The following VPS41 variants were observed in gnomAD, a reference collection of about 807,000 sequenced individuals.
VPS41 encodes the protein vacuolar protein sorting-associated protein 41 homolog.
VPS41 carries 85 observed loss-of-function variants against 130.9 expected under a neutral mutation model. That is an observed-to-expected ratio of 0.65 (90% confidence interval 0.55 to 0.78). The LOEUF (loss-of-function observed/expected upper bound fraction) is 0.78. Among genes scored for constraint, VPS41 ranks in the 30% least tolerant of loss-of-function variants. The pLI is 0.00. For synonymous variants in VPS41, 335 were observed against 332.9 expected, an observed-to-expected ratio of 1.01 and a Z score of -0.07; for missense variants, 874 against 1,018.7, an observed-to-expected ratio of 0.86 and a Z score of 1.93.
At chr7:38,810,064 G>A (rs544848848) in intron 7 of VPS41, among the ~76,000 whole-genome samples, 3 of 150,480 alleles carry the variant, frequency 2.0e-5, no homozygotes, top group Non-Finnish European at 3.0e-5. Flanking sequence ...GTGTTTGAAA[G>A]CTCTCTCCAA....
At chr7:38,779,735 T>G (rs1325246663) in intron 10 of VPS41, among the ~76,000 whole-genome samples, 1 of 152,180 alleles carries the variant, frequency 6.6e-6, no homozygotes, top group Non-Finnish European at 1.5e-5. Context: ...CAGACAGTGG[T>G]GTCAAAATGA....
rs535971558 is a variant in VPS41, at chr7:38,779,391, G to A, written c.785-2615C>T. Among the ~76,000 whole-genome samples, 6 of 152,250 alleles carry A rather than the reference G, an allele frequency of 3.9e-5. No individual in the cohort carries two copies. In the East Asian group the frequency reaches 5.8e-4, roughly 15 times the overall value. On this transcript the variant is annotated intron_variant, in intron 10 of 28. Coordinates refer to ENST00000310301, the MANE Select transcript of VPS41 (RefSeq NM_014396.4). ...AAAATCTCTTATAGAAAACAAAATT[G>A]CAATTATAGTAATACTCAGCATGAT...
chr7:38,800,121 T>C (rs933419502), intron 7 of VPS41, among the ~76,000 whole-genome samples: 1 of 152,162 alleles, frequency 6.6e-6, no homozygotes, highest in Non-Finnish European at 1.5e-5. Context: ...TAGAGCTATT[T>C]ATAACAGCCA....
intron 17 of VPS41, among the ~76,000 whole-genome samples, chr7:38,760,097 C>A (rs937420760): frequency 6.6e-6 from 1 of 152,182 alleles, no homozygotes; most frequent in South Asian, 2.1e-4. Flanking sequence ...TTCCGTCCCA[C>A]AGCTGATTCT....
At chr7:38,857,260 C>G (rs1366725501) in intron 4 of VPS41, among the ~76,000 whole-genome samples, 1 of 152,212 alleles carries the variant, frequency 6.6e-6, no homozygotes, top group Non-Finnish European at 1.5e-5. Context: ...AAAATGGCCA[C>G]TAAGCTCCTG....
chr7:38,796,499 C>G, intron 8 of VPS41: 3 of 605,764 alleles, frequency 5.0e-6, no homozygotes, highest in South Asian at 4.5e-5. Flanking sequence ...ATTTTCTTGG[C>G]TACTCTCCAT....
intron 2 of VPS41, among the ~76,000 whole-genome samples, chr7:38,882,151 C>A (rs896233288): frequency 6.6e-6 from 1 of 152,270 alleles, no homozygotes; most frequent in Middle Eastern, 3.4e-3. Flanking sequence ...CAAGTCACCA[C>A]AAGTGCTCTT....
intron 15 of VPS41, 105 bp from the exon 16 acceptor site, chr7:38,765,766 C>G (rs1784028093): frequency 4.4e-6 from 3 of 680,204 alleles, no homozygotes; most frequent in Admixed American, 3.2e-5. Context: ...TTAGAGAAAT[C>G]TCTCTTCTCA....
At chr7:38,881,128 G>A (rs1584442992) in intron 2 of VPS41, among the ~76,000 whole-genome samples, 4 of 152,318 alleles carry the variant, frequency 2.6e-5, no homozygotes, top group Admixed American at 2.6e-4. Flanking sequence ...TTGTCGTACA[G>A]TGCTGTAGAT....
At position 38,799,167 on chromosome 7, in the gene VPS41, A is replaced by G. The variant is rs370799800; in HGVS notation, c.451-2303T>C. Among the ~76,000 whole-genome samples, 33 of 152,334 alleles carry G rather than the reference A, an allele frequency of 2.2e-4. 2 individuals carry two copies. The South Asian group carries it at 6.0e-3, about 28-fold the overall frequency. Reference sequence around the variant, plus strand: ...TATGGAAAAATCCTGCATTTAAAAGAATACAAATTATCCAGGGAGTAATCC... The same window carrying G: ...TATGGAAAAATCCTGCATTTAAAAGGATACAAATTATCCAGGGAGTAATCC... On this transcript the variant is annotated intron_variant, in intron 7 of 28. Coordinates refer to ENST00000310301, the MANE Select transcript of VPS41 (RefSeq NM_014396.4).
chr7:38,727,111 G>A, intron 27 of VPS41, 123 bp from the exon 28 acceptor site: 3 of 841,120 alleles, frequency 3.6e-6, no homozygotes, highest in Non-Finnish European at 5.0e-6. Flanking sequence ...TTAGAGAATG[G>A]CTTATTTACA....
chr7:38,758,318 A>G, intron 18 of VPS41, 36 bp downstream of exon 18: 1 of 1,574,104 alleles, frequency 6.4e-7, no homozygotes, highest in Admixed American at 1.9e-5. Context: ...TTCAACACAG[A>G]CTGATATGGA....
chr7:38,775,422 C>T (rs1011747041), intron 11 of VPS41: 2 of 152,032 alleles, frequency 1.3e-5, no homozygotes, highest in African/African-American at 2.4e-5. Flanking sequence ...CAAAGGTTTC[C>T]TTTCTTTCTT....
intron 26 of VPS41, 33 bp downstream of exon 26, chr7:38,728,659 G>T (rs776656477): frequency 6.2e-6 from 10 of 1,613,218 alleles, no homozygotes; most frequent in Non-Finnish European, 8.5e-6. Flanking sequence ...AGCAGGGCAC[G>T]TGGTTCCATA....
intron 4 of VPS41, among the ~76,000 whole-genome samples, chr7:38,857,305 T>C (rs1786008548): frequency 6.6e-6 from 1 of 152,196 alleles, no homozygotes; most frequent in South Asian, 2.1e-4. Flanking sequence ...TAATCATCCA[T>C]TTTATAAATA....
chr7:38,890,903 C>T (rs938174683), intron 2 of VPS41, among the ~76,000 whole-genome samples: 18 of 152,198 alleles, frequency 1.2e-4, no homozygotes, highest in African/African-American at 4.3e-4. Flanking sequence ...CCCAGCTGGT[C>T]TCAAACTCCT....
chr7:38,831,101 C>A (rs372491225), intron 4 of VPS41: 1 of 426,254 alleles, frequency 2.3e-6, no homozygotes, highest in African/African-American at 2.1e-5. Context: ...TGAATAAATT[C>A]CTTCCTCAAA....
At chr7:38,804,833 G>C (rs1278963897) in intron 7 of VPS41, among the ~76,000 whole-genome samples, 1 of 152,190 alleles carries the variant, frequency 6.6e-6, no homozygotes, top group African/African-American at 2.4e-5. Flanking sequence ...TTTCAGAAAT[G>C]ACTAGGACAC....
chr7:38,764,446 T>C (rs1313037837), intron 16 of VPS41, among the ~76,000 whole-genome samples: 8 of 152,062 alleles, frequency 5.3e-5, no homozygotes, highest in African/African-American at 1.7e-4. Flanking sequence ...TTTTATTCTA[T>C]AGGCAGGAGG....
Sources: allele counts gnomAD v4.1 joint callset (sites outside exome capture counted in the v4.1 genomes callset), GRCh38; gene constraint gnomAD v4.1.1; transcripts MANE v1.5; gene names NCBI Gene and HGNC (gene_info 2026-07-23, HGNC 2026-07-21).